Variants in NRG3 observed in about 807,000 individuals in gnomAD.
NRG3 encodes the protein neuregulin 3.
A neutral mutation model predicts 66.9 loss-of-function variants in NRG3; 31 were observed. The ratio of observed to expected loss-of-function variants is 0.46; its 90% CI spans 0.35 to 0.63. The LOEUF is 0.63. Among genes scored for constraint, NRG3 ranks in the 20% least tolerant of loss-of-function variants. NRG3 has a pLI of 0.00. For synonymous variants in NRG3, 393 were observed against 359.4 expected (o/e 1.09, Z -1.06); for missense variants, 910 against 878.9 (o/e 1.04, Z -0.45).
intron 1 of NRG3, among the ~76,000 whole-genome samples, chr10:82,011,826 C>T (rs1438740138): frequency 1.3e-5 from 2 of 152,166 alleles, no homozygotes; most frequent in Non-Finnish European, 2.9e-5. Context: ...TGGTCTTGGG[C>T]GTCTCCACCC....
chr10:81,969,420 C>A (rs1421545897), intron 1 of NRG3, among the ~76,000 whole-genome samples: 1 of 152,212 alleles, frequency 6.6e-6, no homozygotes. Context: ...CACACTGACA[C>A]AACCACATCT....
At chr10:82,984,630 G>A (rs527237620) in intron 8 of NRG3, among the ~76,000 whole-genome samples, 26 of 152,244 alleles carry the variant, frequency 1.7e-4, no homozygotes, top group African/African-American at 5.3e-4. Flanking sequence ...GATTGGCTTC[G>A]ACTAGGGTGG....
chr10:82,061,144 A>C (rs1436140366), intron 1 of NRG3, among the ~76,000 whole-genome samples: 1 of 152,100 alleles, frequency 6.6e-6, no homozygotes, highest in Non-Finnish European at 1.5e-5. Flanking sequence ...CGAGGTCAGG[A>C]GTTCAAGACC....
chr10:82,545,783 C>CTTTTTTTTTTTTT (rs1002975772), intron 2 of NRG3, among the ~76,000 whole-genome samples: 2 of 91,436 alleles, frequency 2.2e-5, no homozygotes, highest in African/African-American at 5.3e-5. Context: ...AATATCAACT[C>CTTTTTTTTTTTTT]TTTTTTTTTT....
chr10:82,664,181 C>A (rs1301747595), intron 2 of NRG3, among the ~76,000 whole-genome samples: 1 of 152,126 alleles, frequency 6.6e-6, no homozygotes, highest in East Asian at 1.9e-4. Context: ...GACAATTGTA[C>A]TGGGGCTGAT....
chr10:82,030,195 A>G (rs1480677024), intron 1 of NRG3, among the ~76,000 whole-genome samples: 2 of 152,088 alleles, frequency 1.3e-5, no homozygotes. Flanking sequence ...GCAGCCAAAA[A>G]TGTCCCATAG....
chr10:82,050,831 C>CCTCCACTTGT, intron 1 of NRG3, among the ~76,000 whole-genome samples: 2 of 151,998 alleles, frequency 1.3e-5, no homozygotes, highest in African/African-American at 4.8e-5. Context: ...CCTCCACTTG[C>CCTCCACTTGT]AGAATATCCT....
chr10:81,966,282 T>A (rs549297524), intron 1 of NRG3, among the ~76,000 whole-genome samples: 60 of 150,494 alleles, frequency 4.0e-4, no homozygotes, highest in African/African-American at 1.4e-3. Context: ...TTTAATAAAT[T>A]TATTTTTATA....
chr10:82,681,902 C>CACA (rs749025855), intron 2 of NRG3, among the ~76,000 whole-genome samples: 8 of 152,224 alleles, frequency 5.3e-5, no homozygotes, highest in Admixed American at 1.3e-4. Flanking sequence ...GTAAGGTCCT[C>CACA]ACAAGAGAAT....
chr10:82,872,672 T>C (rs1841443094), intron 4 of NRG3, among the ~76,000 whole-genome samples: 1 of 151,348 alleles, frequency 6.6e-6, no homozygotes. Flanking sequence ...AAGAGAAAGC[T>C]ACACATAAGT....
At chr10:82,271,084 A>T (rs2078569019) in intron 1 of NRG3, among the ~76,000 whole-genome samples, 1 of 152,038 alleles carries the variant, frequency 6.6e-6, no homozygotes, top group Non-Finnish European at 1.5e-5. Context: ...AACAGGGAAA[A>T]TATATTGGTT....
intron 1 of NRG3, among the ~76,000 whole-genome samples, chr10:82,238,912 G>GTATATATATATATATATATATA (rs571009239): frequency 8.3e-6 from 1 of 120,760 alleles, no homozygotes; most frequent in African/African-American, 3.1e-5. Context: ...AGGTTATACC[G>GTATATATATATATATATATATA]TATATATATA....
chr10:81,917,491 C>A (rs73304594), intron 1 of NRG3, among the ~76,000 whole-genome samples: 2,875 of 152,228 alleles, frequency 0.019, 80 homozygotes, highest in African/African-American at 0.063. Context: ...ATGAATAAAA[C>A]TATTCCTGTC....
At chr10:82,839,097 T>G (rs1348016963) in intron 3 of NRG3, among the ~76,000 whole-genome samples, 1 of 152,176 alleles carries the variant, frequency 6.6e-6, no homozygotes, top group African/African-American at 2.4e-5. Context: ...CGAGCTACAA[T>G]TCAAGATGAG....
intron 2 of NRG3, among the ~76,000 whole-genome samples, chr10:82,538,055 C>G (rs747811844): frequency 1.3e-5 from 2 of 152,136 alleles, no homozygotes; most frequent in African/African-American, 2.4e-5. Context: ...TTTTGAGGAC[C>G]AAGTGAGTTC....
chr10:82,330,731 AAGT>A (rs2082101578), intron 1 of NRG3, among the ~76,000 whole-genome samples: 1 of 152,192 alleles, frequency 6.6e-6, no homozygotes, highest in Non-Finnish European at 1.5e-5. Context: ...CTGGCTTCCT[AAGT>A]TGGTCAACAT....
At chr10:82,099,498 A>G (rs1227783610) in intron 1 of NRG3, among the ~76,000 whole-genome samples, 1 of 152,190 alleles carries the variant, frequency 6.6e-6, no homozygotes. Flanking sequence ...GAAACCAGGT[A>G]TTGTGAGTCC....
intron 1 of NRG3, among the ~76,000 whole-genome samples, chr10:82,294,434 A>AGTGTGTGTGTGTGT (rs35072007): frequency 1.3e-5 from 2 of 149,070 alleles, no homozygotes; most frequent in Admixed American, 6.7e-5. Flanking sequence ...CTACTGATGA[A>AGTGTGTGTGTGTGT]GTGTGTGTGT....
At chr10:82,467,470 A>G (rs1407709402) in intron 2 of NRG3, among the ~76,000 whole-genome samples, 1 of 152,140 alleles carries the variant, frequency 6.6e-6, no homozygotes. Flanking sequence ...ATCTGAAGAC[A>G]ATTTGCAGTC....
Sources: gnomAD v4.1 joint callset for allele counts (sites outside exome capture counted in the v4.1 genomes callset) on GRCh38, gnomAD v4.1.1 for gene constraint, MANE v1.5 for transcripts, NCBI Gene and HGNC (gene_info 2026-07-23, HGNC 2026-07-21) for gene names.